The following TNRC6B variants were observed in gnomAD, a reference collection of about 807,000 sequenced individuals.
The protein encoded by TNRC6B is trinucleotide repeat-containing gene 6B protein.
Under a neutral mutation model 203.6 loss-of-function variants are expected in TNRC6B, and 52 were observed. That is an observed-to-expected ratio of 0.26 (90% CI 0.20 to 0.32). TNRC6B has a LOEUF of 0.32. Among genes scored for constraint, TNRC6B ranks in the 10% least tolerant of loss-of-function variants. TNRC6B has a pLI of 1.00. For missense variants in TNRC6B, 1,923 were observed against 2,286.2 expected, an observed-to-expected ratio of 0.84 and a Z score of 3.24; for synonymous variants, 838 against 845.7, an observed-to-expected ratio of 0.99 and a Z score of 0.16.
At chr22:40,146,060 T>G (rs1391786175) in intron 3 of TNRC6B, among the ~76,000 whole-genome samples, 1 of 151,938 alleles carries the variant, frequency 6.6e-6, no homozygotes, top group Non-Finnish European at 1.5e-5. Context: ...AAGAAAGAGG[T>G]CCAAGGGCAG....
At chr22:40,193,149 C>T (rs1284408483) in intron 1 of TNRC6B, among the ~76,000 whole-genome samples, 2 of 152,142 alleles carry the variant, frequency 1.3e-5, no homozygotes, top group African/African-American at 2.4e-5. Flanking sequence ...TCCCAGCAGC[C>T]GAGCGCATTG....
rs536659538 is a variant in TNRC6B, at chr22:40,309,615, A to G, written c.4258+966A>G. Among the ~76,000 whole-genome samples the G allele has an allele frequency of 2.9e-3, 445 of 152,354 alleles. 3 individuals are homozygous for G. Among genetic ancestry groups the G allele is most frequent in the South Asian group, 0.021 (103 of 4,822 alleles). On this transcript the variant is annotated intron_variant, in intron 16 of 22. Transcript: ENST00000454349. ...ATATCTACAGCTTTGGGCACTTTCAATGCTTCCTTAGGCTGATGATTCACC... is the reference window on the plus strand; with the variant it reads ...ATATCTACAGCTTTGGGCACTTTCAGTGCTTCCTTAGGCTGATGATTCACC...
chr22:40,233,670 A>G (rs2069910141), intron 1 of TNRC6B, among the ~76,000 whole-genome samples: 1 of 152,212 alleles, frequency 6.6e-6, no homozygotes, highest in African/African-American at 2.4e-5. Context: ...AATTCCAGAC[A>G]AGCCAATTCC....
chr22:40,311,981 C>T (rs995486754), intron 17 of TNRC6B, among the ~76,000 whole-genome samples: 6 of 152,188 alleles, frequency 3.9e-5, no homozygotes, highest in East Asian at 1.9e-4. Flanking sequence ...AAAAAAATTC[C>T]GAGCCCTTAT....
chr22:40,217,044 C>CCTTT (rs1243519316), intron 1 of TNRC6B, among the ~76,000 whole-genome samples: 1 of 152,104 alleles, frequency 6.6e-6, no homozygotes, highest in Non-Finnish European at 1.5e-5. Context: ...TGCAGCTGTA[C>CCTTT]CTTTGTCTTC....
intron 2 of TNRC6B, among the ~76,000 whole-genome samples, chr22:40,247,619 T>C (rs1050995250): frequency 2.0e-5 from 3 of 152,258 alleles, no homozygotes; most frequent in Non-Finnish European, 4.4e-5. Flanking sequence ...CGCTGTGCTC[T>C]TTAAGATTTT....
At chr22:40,294,202 A>G (rs1048364107) in intron 12 of TNRC6B, among the ~76,000 whole-genome samples, 3 of 152,254 alleles carry the variant, frequency 2.0e-5, no homozygotes, top group African/African-American at 4.8e-5. Flanking sequence ...GCAGTGAGCC[A>G]TGATCGTGCC....
At chr22:40,085,897 G>A (rs544048964) in intron 1 of TNRC6B, among the ~76,000 whole-genome samples, 1 of 151,574 alleles carries the variant, frequency 6.6e-6, no homozygotes, top group Non-Finnish European at 1.5e-5. Context: ...TTGAGACAGG[G>A]TCTTGTTCTA....
At chr22:40,095,506 C>T (rs2068180254) in intron 1 of TNRC6B, among the ~76,000 whole-genome samples, 1 of 152,108 alleles carries the variant, frequency 6.6e-6, no homozygotes, top group Non-Finnish European at 1.5e-5. Flanking sequence ...CCTAAGTTTA[C>T]CCCTAGCCAA....
At chr22:40,286,933 T>C (rs1389020716) in intron 12 of TNRC6B, among the ~76,000 whole-genome samples, 1 of 152,194 alleles carries the variant, frequency 6.6e-6, no homozygotes, top group African/African-American at 2.4e-5. Context: ...GTTTCATCCT[T>C]AAAAGAAGAT....
chr22:40,078,504 T>C (rs1412851118), intron 1 of TNRC6B, among the ~76,000 whole-genome samples: 2 of 152,170 alleles, frequency 1.3e-5, no homozygotes, highest in Non-Finnish European at 1.5e-5. Context: ...AGCCAGGAGA[T>C]GGAACGAGAC....
chr22:40,277,577 C>T (rs145846020), intron 8 of TNRC6B, among the ~76,000 whole-genome samples: 2 of 152,326 alleles, frequency 1.3e-5, no homozygotes, highest in East Asian at 3.9e-4. Context: ...GTTGTGGGGA[C>T]ACCCTGTCCC....
At chr22:40,185,273 G>A (rs1481256264) in intron 1 of TNRC6B, among the ~76,000 whole-genome samples, 1 of 152,136 alleles carries the variant, frequency 6.6e-6, no homozygotes, top group African/African-American at 2.4e-5. Context: ...ACAGGTGTGA[G>A]CCACCACACC....
At position 40,315,224 on chromosome 22, in the gene TNRC6B, T is replaced by TC. The variant is rs2071242218; in HGVS notation, c.4679-59_4679-58insC. On this transcript the variant is annotated intron_variant, in intron 19 of 22. Coordinates refer to ENST00000454349, the MANE Select transcript of TNRC6B (RefSeq NM_001162501.2). ...TGTATGTAGATAAAACTCATGTGTATTTGTCAACAAAAGTGAACCGTCTAA... is the reference window on the plus strand; with the variant it reads ...TGTATGTAGATAAAACTCATGTGTATCTTGTCAACAAAAGTGAACCGTCTAA... The TC allele has an allele frequency of 2.7e-5, 36 of 1,355,258 alleles. No individual in the cohort carries two copies. The South Asian group carries it at 4.3e-4, about 16-fold the overall frequency. 84.0% of individuals were successfully genotyped at this position (1,355,258 alleles called of 1,614,324 possible).
intron 1 of TNRC6B, among the ~76,000 whole-genome samples, chr22:40,051,635 C>A (rs987257637): frequency 1.3e-5 from 2 of 152,134 alleles, no homozygotes; most frequent in Admixed American, 1.3e-4. Context: ...TGAAAGCCTT[C>A]AATGGTGTTT....
intron 1 of TNRC6B, among the ~76,000 whole-genome samples, chr22:40,079,301 G>A (rs1057156813): frequency 8.5e-5 from 13 of 152,086 alleles, no homozygotes; most frequent in African/African-American, 3.1e-4. Context: ...GGGCGAGTGG[G>A]TGTTACAGAG....
intron 1 of TNRC6B, among the ~76,000 whole-genome samples, chr22:40,094,278 A>G (rs1325896821): frequency 1.3e-5 from 2 of 152,122 alleles, no homozygotes; most frequent in African/African-American, 4.8e-5. Context: ...TTCCTAAGAC[A>G]TATTGTATTT....
intron 4 of TNRC6B, among the ~76,000 whole-genome samples, chr22:40,169,156 G>A (rs1439494202): frequency 2.3e-4 from 33 of 141,944 alleles, no homozygotes; most frequent in African/African-American, 7.5e-4. Flanking sequence ...TTTTTGAGAC[G>A]GAGTCTTGCT....
chr22:40,052,576 C>T (rs1226150622), intron 1 of TNRC6B, among the ~76,000 whole-genome samples: 1 of 151,666 alleles, frequency 6.6e-6, no homozygotes, highest in Non-Finnish European at 1.5e-5. Flanking sequence ...CCCACCTCAG[C>T]CTCCTGAACA....
Sources: allele counts gnomAD v4.1 joint callset (sites outside exome capture counted in the v4.1 genomes callset), GRCh38; gene constraint gnomAD v4.1.1; transcripts MANE v1.5; gene names NCBI Gene and HGNC (gene_info 2026-07-23, HGNC 2026-07-21).